ZBTB40: variants seen among roughly 807,000 people sequenced by gnomAD.
ZBTB40 encodes the protein zinc finger and BTB domain-containing protein 40.
In ZBTB40, 60 loss-of-function variants were observed where a neutral mutation model predicts 117.5. The ratio of observed to expected loss-of-function variants is 0.51; its 90% CI spans 0.41 to 0.63. The LOEUF (loss-of-function observed/expected upper bound fraction) is 0.63. ZBTB40 is among the 30% of genes least tolerant of loss of function. The probability of loss-of-function intolerance (pLI) is 0.00; values close to 1 mark genes in which losing one functional copy is unlikely to be tolerated. For missense variants in ZBTB40, 1,287 were observed against 1,498.5 expected, an observed-to-expected ratio of 0.86 and a Z score of 2.33; for synonymous variants, 525 against 577.1, an observed-to-expected ratio of 0.91 and a Z score of 1.29.
At chr1:22,431,790 T>C (rs1006909044) in intron 1 of ZBTB40, among the ~76,000 whole-genome samples, 2 of 151,178 alleles carry the variant, frequency 1.3e-5, no homozygotes, top group Admixed American at 6.6e-5. Context: ...GTATGGATGC[T>C]TTGCTGTCTT....
Position 22,443,098 on chromosome 1 carries a change from C to T in ZBTB40, c.-70+14084C>T, listed in dbSNP as rs192304711. 1.1e-4 allele frequency among the ~76,000 whole-genome samples: 17 copies of T among 152,254 alleles called. No homozygotes were observed. The East Asian group carries it at 3.3e-3, about 29-fold the overall frequency. On this transcript the variant is annotated intron_variant, in intron 1 of 8. Transcript: ENST00000650433. ...GAAAAAATAATCATTTCAAAATACT[C>T]CAGAACGTTACGTTCTCTCTCGAAC...
At chr1:22,441,149 C>T (rs994622252) in intron 1 of ZBTB40, among the ~76,000 whole-genome samples, 10 of 152,068 alleles carry the variant, frequency 6.6e-5, no homozygotes, top group Admixed American at 2.6e-4. Flanking sequence ...CTGATTCAAT[C>T]GCCTTACTGA....
At chr1:22,476,439 T>TA (rs1428061905) in intron 1 of ZBTB40, among the ~76,000 whole-genome samples, 48 of 152,198 alleles carry the variant, frequency 3.2e-4, no homozygotes, top group Admixed American at 3.1e-3. Context: ...AAGCTGGTCT[T>TA]AAACTCCTGG....
Position 22,489,946 on chromosome 1 carries a change from G to T in ZBTB40, c.-3G>T, listed in dbSNP as rs373826631. 2 of 1,609,868 alleles carry T rather than the reference G, an allele frequency of 1.2e-6. No homozygotes were observed. The highest frequency in any genetic ancestry group is 1.3e-5 in the African/African-American group (1 of 74,942). On this transcript the variant is annotated 5_prime_UTR_variant, in exon 2 of 18. Transcript: ENST00000375647. ...GAGCAGTTCTTGGGGCAGAGTTGACGCAATGGAGCTCCCCAACTACAGCCG... is the reference window on the plus strand; with the variant it reads ...GAGCAGTTCTTGGGGCAGAGTTGACTCAATGGAGCTCCCCAACTACAGCCG...
Position 22,460,867 on chromosome 1 carries a change from A to G in ZBTB40, c.-70+8863A>G, listed in dbSNP as rs16827181. Among the ~76,000 whole-genome samples the G allele has an allele frequency of 4.6e-3, 695 of 152,234 alleles. 7 individuals carry two copies. The highest frequency in any genetic ancestry group is 0.016 in the African/African-American group (654 of 41,520). ...CTAATAGTAGTCTTCCCATCTACGA[A>G]TTCACACCCAGATACTTCCTTCTCT... On this transcript the variant is annotated intron_variant, in intron 1 of 17. Transcript: ENST00000375647.
At chr1:22,464,700 T>C (rs1032715945) in intron 1 of ZBTB40, among the ~76,000 whole-genome samples, 4 of 152,246 alleles carry the variant, frequency 2.6e-5, no homozygotes, top group Admixed American at 6.5e-5. Context: ...TTAGCATTTT[T>C]CTGTATTTTC....
chr1:22,465,892 C>T (rs1476877071), intron 1 of ZBTB40, among the ~76,000 whole-genome samples: 2 of 152,202 alleles, frequency 1.3e-5, no homozygotes, highest in Non-Finnish European at 2.9e-5. Flanking sequence ...TAGCCCTGCC[C>T]AGGCCTCCTT....
intron 1 of ZBTB40, among the ~76,000 whole-genome samples, chr1:22,442,615 C>A (rs1381270950): frequency 6.6e-6 from 1 of 152,156 alleles, no homozygotes; most frequent in Non-Finnish European, 1.5e-5. Flanking sequence ...TTGTGACCTC[C>A]CCCATGCCAC....
At chr1:22,462,326 T>A (rs1226457529) in intron 1 of ZBTB40, among the ~76,000 whole-genome samples, 1 of 152,194 alleles carries the variant, frequency 6.6e-6, no homozygotes, top group African/African-American at 2.4e-5. Flanking sequence ...GGTCATTTAA[T>A]CTCTCTAGGC....
rs1639815682 is a variant in ZBTB40 at position 22,531,078 on chromosome 1, A to G, written c.*4682A>G. The stretch of plus-strand genomic sequence containing the variant: ...TGTGCTTGCCCTACAGAATTGTAGT[A>G]TGAATTAAAAGTCTGGATTTAATGT... On this transcript the variant is annotated 3_prime_UTR_variant, in exon 18 of 18. Coordinates refer to ENST00000375647, the MANE Select transcript of ZBTB40 (RefSeq NM_014870.4). The G allele has an allele frequency of 6.6e-6, 1 of 152,234 alleles. No homozygotes were observed. Among genetic ancestry groups the G allele is most frequent in the Admixed American group, 6.5e-5 (1 of 15,292 alleles). 9.4% of individuals were successfully genotyped at this position (152,234 alleles called of 1,614,324 possible). A position where few individuals can be genotyped will look rare whatever the true frequency, so the allele number is the denominator to read the frequency against.
upstream of ZBTB40, chr1:22,451,822 G>A (rs1431011488): frequency 6.6e-6 from 1 of 152,342 alleles, no homozygotes; most frequent in South Asian, 2.1e-4. Context: ...CGCGGCGCGT[G>A]GGGCAGGTCG....
chr1:22,526,512 C>T lies in ZBTB40; in HGVS notation c.*116C>T. The T allele has an allele frequency of 7.7e-7, 1 of 1,302,628 alleles. No homozygotes were observed. The highest frequency in any genetic ancestry group is 1.1e-6 in the Non-Finnish European group (1 of 917,590). The allele number at this position is 1,302,628 out of a possible 1,614,324, so 80.7% of individuals were successfully genotyped here. A position where few individuals can be genotyped will look rare whatever the true frequency, so the allele number is the denominator to read the frequency against. ...AGTGGTGAGCATCTTAGCTTAGCAC[C>T]AACCAACACAGTCTCACCTAGAAAA... is the stretch of plus-strand genomic sequence containing the variant. On this transcript the variant is annotated 3_prime_UTR_variant, in exon 18 of 18. Transcript: ENST00000375647.
intron 1 of ZBTB40, among the ~76,000 whole-genome samples, chr1:22,481,054 A>G (rs1037646217): frequency 2.6e-5 from 4 of 152,146 alleles, no homozygotes; most frequent in Non-Finnish European, 5.9e-5. Context: ...AAACCCCTGT[A>G]GGCCACCATG....
chr1:22,521,310 G>A (rs1000994837), intron 14 of ZBTB40, among the ~76,000 whole-genome samples, 186 bp from the exon 15 acceptor site: 1 of 152,208 alleles, frequency 6.6e-6, no homozygotes, highest in African/African-American at 2.4e-5. Flanking sequence ...CAATGAATAT[G>A]TAGTTGCCTT....
At chr1:22,481,376 G>A (rs1014311404) in intron 1 of ZBTB40, among the ~76,000 whole-genome samples, 2 of 151,900 alleles carry the variant, frequency 1.3e-5, no homozygotes, top group African/African-American at 2.4e-5. Context: ...AGGCCTTAAC[G>A]GTTCCCATTT....
At chr1:22,522,759 T>C (rs982054707) in intron 16 of ZBTB40, among the ~76,000 whole-genome samples, 11 of 141,374 alleles carry the variant, frequency 7.8e-5, no homozygotes, top group Admixed American at 5.8e-4. Context: ...TTATAAGATA[T>C]ACCATTTTTA....
At chr1:22,522,967 A>ATTTTTTTTC (rs1639579142) in intron 16 of ZBTB40, among the ~76,000 whole-genome samples, 1 of 44,584 alleles carries the variant, frequency 2.2e-5, no homozygotes. Flanking sequence ...TTTTTTTTTG[A>ATTTTTTTTC]GATGGAGTCT....
chr1:22,431,673 T>G (rs1569728991), intron 1 of ZBTB40, among the ~76,000 whole-genome samples: 1 of 151,808 alleles, frequency 6.6e-6, no homozygotes, highest in South Asian at 2.1e-4. Context: ...GAGACAGAGG[T>G]TGCAGTGAGC....
Position 22,495,690 on chromosome 1 carries a change from T to G in ZBTB40, c.831+4157T>G, listed in dbSNP as rs563372711. On this transcript the variant is annotated intron_variant, in intron 3 of 17. Transcript: ENST00000375647. ...CCATGCCTGGCTAATTTTTGTATTT[T>G]TAGTAGAGACGGGGTTTCACCATAT... Among the ~76,000 whole-genome samples the G allele has an allele frequency of 1.8e-3, 271 of 152,254 alleles. 3 individuals are homozygous for G. Among genetic ancestry groups the G allele is most frequent in the African/African-American group, 6.3e-3 (260 of 41,538 alleles).
Sources: gnomAD v4.1 joint callset for allele counts (sites outside exome capture counted in the v4.1 genomes callset) on GRCh38, gnomAD v4.1.1 for gene constraint, MANE v1.5 for transcripts, NCBI Gene and HGNC (gene_info 2026-07-23, HGNC 2026-07-21) for gene names.